ARHGAP32: variants seen among roughly 807,000 people sequenced by gnomAD.
ARHGAP32 encodes rho GTPase-activating protein 32.
ARHGAP32 carries 51 observed loss-of-function variants against 186.5 expected under a neutral mutation model. The observed-to-expected ratio is 0.27, with a 90% CI of 0.22 to 0.35. ARHGAP32 has a LOEUF of 0.35. Ranked by LOEUF, ARHGAP32 falls within the 10% of genes least tolerant of loss-of-function variation. The pLI, the probability that ARHGAP32 is intolerant of heterozygous loss-of-function variation, is 1.00. For synonymous variants in ARHGAP32, 950 were observed against 964.3 expected, an observed-to-expected ratio of 0.99 and a Z score of 0.27; for missense variants, 2,186 against 2,623.5, an observed-to-expected ratio of 0.83 and a Z score of 3.64.
intron 1 of ARHGAP32, among the ~76,000 whole-genome samples, chr11:129,263,693 A>G (rs1233522328): frequency 6.6e-6 from 1 of 151,504 alleles, no homozygotes; most frequent in African/African-American, 2.4e-5. Context: ...AGAAAGAGAA[A>G]AAGAAAGAGG....
chr11:129,124,237 C>T (rs1484148969), intron 3 of ARHGAP32, among the ~76,000 whole-genome samples: 5 of 152,116 alleles, frequency 3.3e-5, no homozygotes, highest in Admixed American at 2.6e-4. Context: ...TGTTATACAA[C>T]ATTTTAAATA....
chr11:129,236,791 T>C (rs556865674), intron 1 of ARHGAP32, among the ~76,000 whole-genome samples: 6 of 152,338 alleles, frequency 3.9e-5, no homozygotes, highest in Admixed American at 2.6e-4. Flanking sequence ...CTATACTGAA[T>C]AGAAGTGGTG....
At position 128,967,087 on chromosome 11, in the gene ARHGAP32, A is replaced by G. The variant is rs531821039; in HGVS notation, c.*1820T>C. 3 of 152,172 alleles carry G rather than the reference A, an allele frequency of 2.0e-5. No homozygotes were observed. The highest frequency in any genetic ancestry group is 7.2e-5 in the African/African-American group (3 of 41,438). The allele number at this position is 152,172 out of a possible 1,614,324, so 9.4% of individuals were successfully genotyped here. On this transcript the variant is annotated 3_prime_UTR_variant, in exon 23 of 23. Transcript: ENST00000682385. ...CTACAGTTTTTACTGCATCCCTCCA[A>G]TGAATTCTAAGGGAACAAAAGAAAA...
At chr11:129,249,535 C>A (rs994710897) in intron 1 of ARHGAP32, among the ~76,000 whole-genome samples, 2 of 152,156 alleles carry the variant, frequency 1.3e-5, no homozygotes, top group Non-Finnish European at 1.5e-5. Context: ...TGCTGACTCA[C>A]TGTTACACAA....
intron 1 of ARHGAP32, among the ~76,000 whole-genome samples, chr11:129,253,673 T>C (rs1945216382): frequency 6.6e-6 from 1 of 152,148 alleles, no homozygotes. Context: ...CAAATTCAAG[T>C]AGTACAAGTA....
At chr11:129,164,568 CTT>C (rs1267752050) in intron 1 of ARHGAP32, 141 bp from the exon 2 acceptor site, 4 of 571,088 alleles carry the variant, frequency 7.0e-6, no homozygotes, top group Non-Finnish European at 1.2e-5. Context: ...AGCAGTGATC[CTT>C]TATTTCTACT....
At chr11:129,235,888 A>G (rs1944922191) in intron 1 of ARHGAP32, among the ~76,000 whole-genome samples, 1 of 137,298 alleles carries the variant, frequency 7.3e-6, no homozygotes, top group South Asian at 2.4e-4. Context: ...AAATGCCATT[A>G]TGTCATTCAT....
chr11:129,131,301 A>C (rs1942804142), intron 2 of ARHGAP32, among the ~76,000 whole-genome samples: 1 of 152,214 alleles, frequency 6.6e-6, no homozygotes, highest in East Asian at 1.9e-4. Flanking sequence ...GTTAAACTTC[A>C]ATTAAAAATT....
At chr11:129,177,342 G>A (rs997166448) in intron 1 of ARHGAP32, among the ~76,000 whole-genome samples, 17 of 151,988 alleles carry the variant, frequency 1.1e-4, no homozygotes, top group African/African-American at 2.2e-4. Flanking sequence ...ATTCACAGCC[G>A]AATTCTACCA....
At chr11:129,086,899 A>G (rs1201974981) in intron 6 of ARHGAP32, among the ~76,000 whole-genome samples, 2 of 152,182 alleles carry the variant, frequency 1.3e-5, no homozygotes, top group African/African-American at 4.8e-5. Flanking sequence ...CTCAACAGTA[A>G]GAAAATGAAC....
chr11:129,013,736 A>G (rs1205647744), intron 11 of ARHGAP32, among the ~76,000 whole-genome samples: 2 of 152,152 alleles, frequency 1.3e-5, no homozygotes, highest in African/African-American at 4.8e-5. Context: ...CTTTCTTCCC[A>G]TTTCTTAGAC....
At chr11:129,086,016 AC>A (rs1161429043) in intron 6 of ARHGAP32, among the ~76,000 whole-genome samples, 1 of 126,632 alleles carries the variant, frequency 7.9e-6, no homozygotes, top group Non-Finnish European at 1.8e-5. Context: ...AAACAAACAA[AC>A]AAAAAAAAAA....
intron 5 of ARHGAP32, among the ~76,000 whole-genome samples, chr11:129,117,797 A>G (rs1422819278): frequency 6.6e-6 from 1 of 151,806 alleles, no homozygotes; most frequent in African/African-American, 2.4e-5. Context: ...GCGGTACAAC[A>G]CAAAGCACAG....
intron 1 of ARHGAP32, among the ~76,000 whole-genome samples, chr11:129,203,652 G>C (rs1350317579): frequency 1.3e-5 from 2 of 150,890 alleles, no homozygotes; most frequent in Non-Finnish European, 2.9e-5. Context: ...CACTTTGAGA[G>C]GCTGAGGCAG....
At chr11:129,265,855 C>T (rs1040438358) in intron 1 of ARHGAP32, among the ~76,000 whole-genome samples, 26 of 152,082 alleles carry the variant, frequency 1.7e-4, no homozygotes, top group Admixed American at 8.5e-4. Flanking sequence ...ACATTTCACA[C>T]AAACATTACT....
chr11:129,222,449 C>A (rs556550346), intron 1 of ARHGAP32, among the ~76,000 whole-genome samples: 6 of 152,266 alleles, frequency 3.9e-5, no homozygotes, highest in African/African-American at 1.4e-4. Flanking sequence ...CCCTGCTACA[C>A]TACAAGACAC....
intron 5 of ARHGAP32, among the ~76,000 whole-genome samples, chr11:129,100,887 G>C (rs1289566384): frequency 6.6e-6 from 1 of 152,140 alleles, no homozygotes; most frequent in Non-Finnish European, 1.5e-5. Context: ...TGCCCATAGG[G>C]AGCCAAGCAC....
chr11:129,079,156 T>A (rs1437955975), intron 6 of ARHGAP32, among the ~76,000 whole-genome samples: 1 of 152,142 alleles, frequency 6.6e-6, no homozygotes, highest in Admixed American at 6.5e-5. Flanking sequence ...TCCCAAGAAA[T>A]GAGAGAAATC....
At chr11:128,994,604 C>T (rs1468169875) in intron 12 of ARHGAP32, among the ~76,000 whole-genome samples, 1 of 152,128 alleles carries the variant, frequency 6.6e-6, no homozygotes, top group Non-Finnish European at 1.5e-5. Context: ...CAGGCATGAG[C>T]CACCACACCC....
Sources: allele counts gnomAD v4.1 joint callset (sites outside exome capture counted in the v4.1 genomes callset), GRCh38; gene constraint gnomAD v4.1.1; transcripts MANE v1.5; gene names NCBI Gene and HGNC (gene_info 2026-07-23, HGNC 2026-07-21).